The following PHKB variants were observed in gnomAD, a reference collection of about 807,000 sequenced individuals.
The protein encoded by PHKB is phosphorylase kinase regulatory subunit beta, also known as phosphorylase b kinase regulatory subunit beta.
A neutral mutation model predicts 152.1 loss-of-function variants in PHKB; 122 were observed. The observed-to-expected ratio is 0.80, with a 90% CI of 0.69 to 0.93. The LOEUF (loss-of-function observed/expected upper bound fraction) is 0.93. Among genes scored for constraint, PHKB ranks in the 40% least tolerant of loss-of-function variants. The pLI is 0.00. For synonymous variants in PHKB, 436 were observed against 464.9 expected, an observed-to-expected ratio of 0.94 and a Z score of 0.80; for missense variants, 1,304 against 1,328.4, an observed-to-expected ratio of 0.98 and a Z score of 0.29.
chr16:47,544,940 T>G (rs1012320634), intron 6 of PHKB, among the ~76,000 whole-genome samples: 1 of 152,238 alleles, frequency 6.6e-6, no homozygotes, highest in Non-Finnish European at 1.5e-5. Flanking sequence ...GTTTTCCATT[T>G]GCTTGGTAGA....
Position 47,649,169 on chromosome 16 carries a change from T to G in PHKB, c.1762T>G (p.Ser588Ala), listed in dbSNP as rs764887245. 3.1e-6 allele frequency: 5 copies of G among 1,606,576 alleles called. No individual in the cohort carries two copies. The highest frequency in any genetic ancestry group is 4.3e-6 in the Non-Finnish European group (5 of 1,173,230). Residue 588 changes from serine (S) to alanine (A), a missense_variant, in exon 18 of 31, where the codon TCT becomes GCT. Transcript: ENST00000323584. Reference sequence around the variant, plus strand: ...TTTCGACCTAAGTGATTTCTACATGTCTCAGGATGTTTTCCTGCTGATAGA... The same window carrying G: ...TTTCGACCTAAGTGATTTCTACATGGCTCAGGATGTTTTCCTGCTGATAGA... ...IIFDLSDFYM[S>A]QDVFLLIDDI...
chr16:47,640,651 AT>A (rs528573030), intron 14 of PHKB, among the ~76,000 whole-genome samples: 7 of 149,154 alleles, frequency 4.7e-5, no homozygotes, highest in South Asian at 4.2e-4. Context: ...TTTAACTATC[AT>A]TTTTTTTTTA....
chr16:47,518,338 T>G (rs182193418), intron 6 of PHKB, among the ~76,000 whole-genome samples: 18 of 152,314 alleles, frequency 1.2e-4, no homozygotes, highest in Non-Finnish European at 2.4e-4. Flanking sequence ...ACTTTGGGGT[T>G]TTTGATAAGC....
chr16:47,470,271 A>C (rs1423156421), intron 1 of PHKB, among the ~76,000 whole-genome samples: 1 of 152,246 alleles, frequency 6.6e-6, no homozygotes, highest in Admixed American at 6.5e-5. Context: ...TAAATTAACT[A>C]TAAGTATCCT....
At chr16:47,643,798 C>G (rs140522825) in intron 16 of PHKB, among the ~76,000 whole-genome samples, 1 of 152,326 alleles carries the variant, frequency 6.6e-6, no homozygotes, top group Non-Finnish European at 1.5e-5. Flanking sequence ...TGAGGGCAGA[C>G]AGCTGAGAGC....
chr16:47,512,187 A>G (rs916106628), intron 5 of PHKB, among the ~76,000 whole-genome samples: 1 of 152,220 alleles, frequency 6.6e-6, no homozygotes, highest in Admixed American at 6.5e-5. Context: ...CTGTTTAAAA[A>G]TAATTTTCAA....
intron 16 of PHKB, among the ~76,000 whole-genome samples, chr16:47,647,666 T>A (rs1042068003): frequency 6.6e-6 from 1 of 151,830 alleles, no homozygotes; most frequent in Non-Finnish European, 1.5e-5. Flanking sequence ...CCTGGCTAAT[T>A]TTTTGTATTT....
At chr16:47,502,457 A>G (rs566243740) in intron 3 of PHKB, among the ~76,000 whole-genome samples, 6 of 152,340 alleles carry the variant, frequency 3.9e-5, no homozygotes, top group African/African-American at 1.2e-4. Context: ...ATGCCAAAAT[A>G]CATCATGTAT....
intron 26 of PHKB, chr16:47,675,883 G>C (rs1464660246): frequency 6.6e-6 from 1 of 152,112 alleles, no homozygotes; most frequent in Admixed American, 6.6e-5. Context: ...CTGCCCTAGG[G>C]ATATCAGACA....
At chr16:47,571,215 C>A (rs1049308880) in intron 7 of PHKB, among the ~76,000 whole-genome samples, 2 of 152,178 alleles carry the variant, frequency 1.3e-5, no homozygotes, top group Non-Finnish European at 2.9e-5. Context: ...TACTACTCTC[C>A]TCCCCAAGTC....
At chr16:47,616,572 A>G (rs1972520536) in intron 14 of PHKB, among the ~76,000 whole-genome samples, 1 of 143,262 alleles carries the variant, frequency 7.0e-6, no homozygotes, top group Non-Finnish European at 1.6e-5. Flanking sequence ...TATATATTTT[A>G]CATATAAATA....
intron 24 of PHKB, 180 bp from the exon 25 acceptor site, chr16:47,664,705 G>A: frequency 1.6e-6 from 1 of 624,950 alleles, no homozygotes; most frequent in South Asian, 1.8e-5. Context: ...TTCAAGTGTG[G>A]TCTGTAGTCT....
intron 14 of PHKB, among the ~76,000 whole-genome samples, chr16:47,623,464 G>A (rs1972652157): frequency 8.2e-6 from 1 of 122,528 alleles, no homozygotes. Context: ...AGAAGCCATT[G>A]TTTTAATGGC....
chr16:47,476,927 C>A (rs966395514), intron 1 of PHKB, among the ~76,000 whole-genome samples: 5 of 152,206 alleles, frequency 3.3e-5, no homozygotes, highest in African/African-American at 1.2e-4. Flanking sequence ...TGTTAGACTT[C>A]TGGATACCTA....
chr16:47,566,855 A>C lies in PHKB; in HGVS notation c.711-13440A>C, dbSNP rs976774572. On this transcript the variant is annotated intron_variant, in intron 7 of 30. Coordinates refer to ENST00000323584, the MANE Select transcript of PHKB (RefSeq NM_000293.3). The stretch of plus-strand genomic sequence containing the variant: ...CAGCCAGAGAGTCTGTTAGGGAGAG[A>C]GTCTTCCCCTTCTTATTCTTCTTTT... 5.6e-6 allele frequency: 4 copies of C among 711,042 alleles called. No individual in the cohort carries two copies. The Admixed American group carries it at 7.2e-5, about 13-fold the overall frequency. 44.0% of individuals were successfully genotyped at this position (711,042 alleles called of 1,614,324 possible).
At chr16:47,483,326 G>C (rs563092620) in intron 1 of PHKB, among the ~76,000 whole-genome samples, 43 of 152,252 alleles carry the variant, frequency 2.8e-4, no homozygotes, top group Non-Finnish European at 1.5e-5. Context: ...GGTATTATGG[G>C]TGTGAGCCAC....
chr16:47,540,782 T>C (rs932910009), intron 6 of PHKB, among the ~76,000 whole-genome samples: 1 of 151,578 alleles, frequency 6.6e-6, no homozygotes, highest in Non-Finnish European at 1.5e-5. Context: ...TCAAATGTTA[T>C]CTAATTATTC....
At chr16:47,559,139 G>A (rs1467866989) in intron 7 of PHKB, among the ~76,000 whole-genome samples, 2 of 152,142 alleles carry the variant, frequency 1.3e-5, no homozygotes, top group African/African-American at 2.4e-5. Context: ...CTGGGTCATC[G>A]GGAACACATT....
chr16:47,633,571 G>A (rs1425342370), intron 14 of PHKB, among the ~76,000 whole-genome samples: 1 of 152,188 alleles, frequency 6.6e-6, no homozygotes, highest in Non-Finnish European at 1.5e-5. Context: ...TGGATACCCT[G>A]GTGTTTGGGG....
Sources: gnomAD v4.1 joint callset for allele counts (sites outside exome capture counted in the v4.1 genomes callset) on GRCh38, gnomAD v4.1.1 for gene constraint, MANE v1.5 for transcripts, NCBI Gene and HGNC (gene_info 2026-07-23, HGNC 2026-07-21) for gene names.